Variants in LHFPL3 observed in about 807,000 individuals in gnomAD.
LHFPL3 encodes the protein LHFPL tetraspan subfamily member 3.
LHFPL3 carries 5 observed loss-of-function variants against 19.3 expected under a neutral mutation model. The observed-to-expected ratio is 0.26, with a 90% CI of 0.14 to 0.54. The LOEUF (loss-of-function observed/expected upper bound fraction) is 0.54, where lower values mean the gene tolerates loss of function less well. LHFPL3 is among the 20% of genes least tolerant of loss of function. LHFPL3 has a pLI of 0.94. For synonymous variants in LHFPL3, 133 were observed against 126.2 expected (o/e 1.05, Z -0.36); for missense variants, 249 against 307.4 (o/e 0.81, Z 1.42).
intron 1 of LHFPL3, among the ~76,000 whole-genome samples, chr7:104,496,904 C>T (rs1254163401): frequency 6.6e-6 from 1 of 152,156 alleles, no homozygotes; most frequent in African/African-American, 2.4e-5. Flanking sequence ...TTAGTCTAAG[C>T]TCTTAAACTC....
intron 1 of LHFPL3, among the ~76,000 whole-genome samples, chr7:104,442,590 A>G (rs1196704547): frequency 6.6e-6 from 1 of 152,160 alleles, no homozygotes; most frequent in Non-Finnish European, 1.5e-5. Context: ...TTTGTGGCCT[A>G]CTGGGTAGAA....
intron 1 of LHFPL3, chr7:104,669,201 A>C: frequency 4.3e-6 from 7 of 1,613,948 alleles, no homozygotes; most frequent in Non-Finnish European, 5.9e-6. Context: ...GGGTGAAGCG[A>C]AGTTCTAACC....
chr7:104,852,903 A>G (rs1348572924), intron 2 of LHFPL3, among the ~76,000 whole-genome samples: 1 of 148,800 alleles, frequency 6.7e-6, no homozygotes, highest in Non-Finnish European at 1.5e-5. Context: ...TTCTCAGCCC[A>G]CTCTCTTGAA....
chr7:104,414,211 A>G (rs897172057), intron 1 of LHFPL3, among the ~76,000 whole-genome samples: 3 of 152,174 alleles, frequency 2.0e-5, no homozygotes, highest in African/African-American at 4.8e-5. Context: ...ATGATTAACC[A>G]TCAGTCAAAG....
rs138537050 is a variant in LHFPL3 at position 104,900,407 on chromosome 7, T to C, written c.683-5780T>C. Among the ~76,000 whole-genome samples the C allele has an allele frequency of 1.9e-3, 293 of 152,352 alleles. 2 individuals are homozygous for C. Among genetic ancestry groups the C allele is most frequent in the African/African-American group, 6.9e-3 (285 of 41,578 alleles). ...AAAACACATGAGAAAGTGTTGTGCCTTGTGTCAAAGTCTCATTGTCCACTG... is the reference window on the plus strand; with the variant it reads ...AAAACACATGAGAAAGTGTTGTGCCCTGTGTCAAAGTCTCATTGTCCACTG... On this transcript the variant is annotated intron_variant, in intron 2 of 2. Coordinates refer to ENST00000424859, the MANE Select transcript of LHFPL3 (RefSeq NM_199000.3).
At chr7:104,670,767 C>T (rs1033056772) in intron 1 of LHFPL3, among the ~76,000 whole-genome samples, 16 of 152,042 alleles carry the variant, frequency 1.1e-4, no homozygotes, top group Non-Finnish European at 2.1e-4. Context: ...TTCTTACAAC[C>T]TTGATGGGTT....
At chr7:104,634,807 C>A (rs1791702843) in intron 1 of LHFPL3, among the ~76,000 whole-genome samples, 1 of 152,132 alleles carries the variant, frequency 6.6e-6, no homozygotes, top group African/African-American at 2.4e-5. Flanking sequence ...ACCAGCCTTG[C>A]CTGTACCCAG....
chr7:104,381,389 T>C (rs902879394), intron 1 of LHFPL3, among the ~76,000 whole-genome samples: 56 of 152,252 alleles, frequency 3.7e-4, no homozygotes, highest in African/African-American at 1.3e-3. Flanking sequence ...TTCCATGTTA[T>C]GCTATTCACT....
Position 104,842,586 on chromosome 7 carries a change from C to T in LHFPL3, c.683-63601C>T, listed in dbSNP as rs371821935. 1.8e-3 allele frequency among the ~76,000 whole-genome samples: 275 copies of T among 152,284 alleles called. 2 individuals carry two copies. The highest frequency in any genetic ancestry group is 6.1e-3 in the African/African-American group (255 of 41,552). The stretch of plus-strand genomic sequence containing the variant: ...GATGTGGCATTGCTTGTCTCCTCAA[C>T]ACAAAAAGCGTAACTGCCTCTATCT... On this transcript the variant is annotated intron_variant, in intron 2 of 2. Transcript: ENST00000424859.
intron 1 of LHFPL3, among the ~76,000 whole-genome samples, chr7:104,349,304 C>G (rs1461048027): frequency 6.6e-6 from 1 of 152,106 alleles, no homozygotes; most frequent in East Asian, 1.9e-4. Context: ...AAATAGTTGT[C>G]TTACCTTTTC....
At chr7:104,549,365 A>G (rs1794627709) in intron 1 of LHFPL3, among the ~76,000 whole-genome samples, 1 of 151,902 alleles carries the variant, frequency 6.6e-6, no homozygotes, top group East Asian at 1.9e-4. Flanking sequence ...ACAAATAATC[A>G]TAATTCATTG....
chr7:104,425,653 C>A (rs539670472), intron 1 of LHFPL3, among the ~76,000 whole-genome samples: 13 of 152,264 alleles, frequency 8.5e-5, no homozygotes, highest in African/African-American at 3.1e-4. Context: ...CCTCTTAGCT[C>A]TACTGTTACA....
chr7:104,808,058 T>A (rs1472391664), intron 2 of LHFPL3, among the ~76,000 whole-genome samples: 1 of 152,210 alleles, frequency 6.6e-6, no homozygotes, highest in East Asian at 1.9e-4. Flanking sequence ...ACGTTCACAT[T>A]ACAGCCGTGC....
At chr7:104,709,539 G>T (rs1353840208) in intron 1 of LHFPL3, among the ~76,000 whole-genome samples, 3 of 149,734 alleles carry the variant, frequency 2.0e-5, no homozygotes. Flanking sequence ...CAGAGAGCAC[G>T]GGGTTGGGGG....
chr7:104,607,705 T>A (rs984127980), intron 1 of LHFPL3, among the ~76,000 whole-genome samples: 18 of 152,070 alleles, frequency 1.2e-4, no homozygotes, highest in African/African-American at 4.3e-4. Flanking sequence ...TCAGAGTGAA[T>A]AGGCAACCTA....
At chr7:104,805,940 T>C (rs901337579) in intron 2 of LHFPL3, among the ~76,000 whole-genome samples, 2 of 152,212 alleles carry the variant, frequency 1.3e-5, no homozygotes, top group Admixed American at 6.5e-5. Context: ...CAGCTCAGTA[T>C]AGTATTTCAA....
intron 1 of LHFPL3, among the ~76,000 whole-genome samples, chr7:104,424,290 G>A (rs1291786985): frequency 6.6e-6 from 1 of 152,210 alleles, no homozygotes; most frequent in African/African-American, 2.4e-5. Context: ...TTGGCTCAAG[G>A]TACTTTTGTT....
chr7:104,890,672 G>T (rs1792227047), intron 2 of LHFPL3, among the ~76,000 whole-genome samples: 1 of 152,238 alleles, frequency 6.6e-6, no homozygotes, highest in East Asian at 1.9e-4. Context: ...TTTCAGGCCA[G>T]AGGCCATGGG....
At chr7:104,502,962 T>A (rs191124673) in intron 1 of LHFPL3, among the ~76,000 whole-genome samples, 1 of 152,290 alleles carries the variant, frequency 6.6e-6, no homozygotes, top group African/African-American at 2.4e-5. Context: ...ATTTCAAATT[T>A]TCTGGAAGTT....
Sources: gnomAD v4.1 joint callset for allele counts (sites outside exome capture counted in the v4.1 genomes callset) on GRCh38, gnomAD v4.1.1 for gene constraint, MANE v1.5 for transcripts, NCBI Gene and HGNC (gene_info 2026-07-23, HGNC 2026-07-21) for gene names.